Variants in ABL1 observed in about 807,000 individuals in gnomAD.
ABL1 encodes tyrosine-protein kinase ABL1.
In ABL1, 11 loss-of-function variants were observed where a neutral mutation model predicts 94.7. The ratio of observed to expected loss-of-function variants is 0.12; its 90% CI spans 0.07 to 0.19. The LOEUF (loss-of-function observed/expected upper bound fraction) is 0.19, where lower values mean the gene tolerates loss of function less well. ABL1 is among the 10% of genes least tolerant of loss of function. ABL1 has a pLI of 1.00. For synonymous variants in ABL1, 656 were observed against 622.4 expected (o/e 1.05, Z -0.80); for missense variants, 1,082 against 1,489.4 (o/e 0.73, Z 4.50).
At chr9:130,802,197 A>G (rs780704466) in intron 1 of ABL1, among the ~76,000 whole-genome samples, 24 of 147,702 alleles carry the variant, frequency 1.6e-4, no homozygotes, top group Non-Finnish European at 2.7e-4. Context: ...GGTTTAAGCC[A>G]TCCTCCTGCC....
At chr9:130,750,708 A>G (rs1454622628) in intron 1 of ABL1, among the ~76,000 whole-genome samples, 3 of 124,656 alleles carry the variant, frequency 2.4e-5, no homozygotes, top group East Asian at 2.5e-4. Context: ...GTGCAATGGC[A>G]CAATCTCGGC....
chr9:130,724,749 A>T, intron 1 of ABL1: 3 of 171,644 alleles, frequency 1.7e-5, no homozygotes, highest in Admixed American at 6.1e-5. Flanking sequence ...CCTGTCTTTA[A>T]AAAAAAAAAA....
At chr9:130,760,858 G>A (rs1832103352) in intron 1 of ABL1, among the ~76,000 whole-genome samples, 1 of 150,242 alleles carries the variant, frequency 6.7e-6, no homozygotes, top group Admixed American at 6.6e-5. Context: ...GTAGAGACGG[G>A]GTTTCACCAT....
At chr9:130,871,610 T>C (rs1831252839) in intron 4 of ABL1, among the ~76,000 whole-genome samples, 1 of 152,254 alleles carries the variant, frequency 6.6e-6, no homozygotes. Context: ...CCTCTGTTGC[T>C]ACTGTACTTT....
intron 1 of ABL1, among the ~76,000 whole-genome samples, chr9:130,754,130 C>A (rs1050736178): frequency 6.8e-6 from 1 of 148,080 alleles, no homozygotes; most frequent in African/African-American, 2.5e-5. Flanking sequence ...CGCTTGAACC[C>A]AGGAGGCGGA....
At chr9:130,878,715 C>CCT (rs1450360255) in intron 8 of ABL1, 148 bp downstream of exon 8, 2 of 961,132 alleles carry the variant, frequency 2.1e-6, no homozygotes, top group Non-Finnish European at 3.1e-6. Flanking sequence ...CCATTTGCTA[C>CCT]CTATTGACCT....
At chr9:130,723,416 T>TC (rs2132678303) in intron 1 of ABL1, among the ~76,000 whole-genome samples, 1 of 152,244 alleles carries the variant, frequency 6.6e-6, no homozygotes, top group East Asian at 1.9e-4. Context: ...CATAATAATG[T>TC]CCTGTGCTTG....
intron 10 of ABL1, among the ~76,000 whole-genome samples, chr9:130,881,289 C>G (rs1324525904): frequency 6.6e-6 from 1 of 152,156 alleles, no homozygotes; most frequent in East Asian, 1.9e-4. Flanking sequence ...AACCAGCAGT[C>G]CAGGTTCTGC....
At chr9:130,822,600 G>A (rs1055698722) in intron 1 of ABL1, among the ~76,000 whole-genome samples, 2 of 151,906 alleles carry the variant, frequency 1.3e-5, no homozygotes, top group Admixed American at 6.6e-5. Context: ...CTATTGGAAT[G>A]GGTGTGAAGC....
At chr9:130,716,190 G>A (rs1831437586) in intron 1 of ABL1, among the ~76,000 whole-genome samples, 1 of 147,910 alleles carries the variant, frequency 6.8e-6, no homozygotes, top group South Asian at 2.1e-4. Flanking sequence ...TGCCTCCTGG[G>A]TTCAAGCGAT....
chr9:130,813,213 A>G (rs1830234103), intron 1 of ABL1, among the ~76,000 whole-genome samples: 2 of 149,914 alleles, frequency 1.3e-5, no homozygotes, highest in South Asian at 4.2e-4. Flanking sequence ...CTCCGTCTCG[A>G]AAAAAACAAA....
At chr9:130,840,604 A>AT (rs1235958262) in intron 1 of ABL1, among the ~76,000 whole-genome samples, 7 of 152,240 alleles carry the variant, frequency 4.6e-5, no homozygotes, top group African/African-American at 1.7e-4. Context: ...GATCTTAATT[A>AT]AACACACAGA....
At chr9:130,848,611 G>C (rs1416047327) in intron 1 of ABL1, among the ~76,000 whole-genome samples, 1 of 151,196 alleles carries the variant, frequency 6.6e-6, no homozygotes, top group Non-Finnish European at 1.5e-5. Flanking sequence ...CACATTTTTT[G>C]TGAGAAATAT....
intron 1 of ABL1, among the ~76,000 whole-genome samples, chr9:130,808,602 G>C (rs1009280620): frequency 1.3e-5 from 2 of 152,132 alleles, no homozygotes; most frequent in Non-Finnish European, 2.9e-5. Context: ...TGGGTAGATA[G>C]ATAGGGCCTT....
At chr9:130,821,593 T>C (rs1452426835) in intron 1 of ABL1, among the ~76,000 whole-genome samples, 1 of 152,054 alleles carries the variant, frequency 6.6e-6, no homozygotes, top group Non-Finnish European at 1.5e-5. Flanking sequence ...TATATATCCA[T>C]GTATAAGTCT....
chr9:130,851,049 G>A (rs552762208), intron 1 of ABL1, among the ~76,000 whole-genome samples: 15 of 151,882 alleles, frequency 9.9e-5, no homozygotes, highest in East Asian at 1.9e-4. Flanking sequence ...TCAGCCTCCC[G>A]AGTAGCTGGG....
intron 1 of ABL1, among the ~76,000 whole-genome samples, chr9:130,807,023 G>A (rs1178626565): frequency 2.0e-5 from 3 of 151,740 alleles, no homozygotes; most frequent in Non-Finnish European, 1.5e-5. Context: ...AGTGGCGGGC[G>A]CCTGTAATCC....
chr9:130,735,580 T>C (rs1831724418), intron 1 of ABL1, among the ~76,000 whole-genome samples: 1 of 152,010 alleles, frequency 6.6e-6, no homozygotes, highest in Admixed American at 6.6e-5. Flanking sequence ...TGTACCTTCT[T>C]TTTTGTTTTT....
At chr9:130,881,931 G>T (rs1032936735) in intron 10 of ABL1, among the ~76,000 whole-genome samples, 1 of 151,448 alleles carries the variant, frequency 6.6e-6, no homozygotes, top group Non-Finnish European at 1.5e-5. Context: ...GGTATATAAA[G>T]TACGTATGTC....
Sources: allele counts gnomAD v4.1 joint callset (sites outside exome capture counted in the v4.1 genomes callset), GRCh38; gene constraint gnomAD v4.1.1; transcripts MANE v1.5; gene names NCBI Gene and HGNC (gene_info 2026-07-23, HGNC 2026-07-21).